The following XKR9 variants were observed in gnomAD, a reference collection of about 807,000 sequenced individuals.
XKR9 encodes XK-related protein 9.
XKR9 carries 32 observed loss-of-function variants against 32.0 expected under a neutral mutation model. That is an observed-to-expected ratio of 1.00 (90% CI 0.76 to 1.34). The LOEUF (loss-of-function observed/expected upper bound fraction) is 1.34. Among genes scored for constraint, XKR9 ranks in the 40% most tolerant of loss-of-function variants. The pLI is 0.00. For missense variants in XKR9, 546 were observed against 429.7 expected, an observed-to-expected ratio of 1.27 and a Z score of -2.39; for synonymous variants, 168 against 143.4, an observed-to-expected ratio of 1.17 and a Z score of -1.22.
chr8:70,993,617 C>A, the XKR9 span, among the ~76,000 whole-genome samples: 1 of 83,422 alleles, frequency 1.2e-5, no homozygotes, highest in Admixed American at 1.9e-4. Flanking sequence ...TTCCTTCCTT[C>A]CTTCCTTCCT....
chr8:70,943,490 T>A, the XKR9 span, among the ~76,000 whole-genome samples: 2 of 152,240 alleles, frequency 1.3e-5, no homozygotes, highest in East Asian at 1.9e-4. Flanking sequence ...AGGTTTTTTT[T>A]AAAAAAGGTA....
chr8:70,956,801 C>T, the XKR9 span, among the ~76,000 whole-genome samples: 31 of 152,112 alleles, frequency 2.0e-4, no homozygotes, highest in Non-Finnish European at 2.6e-4. Context: ...GAGTGGGTGT[C>T]GGGAGTGGGG....
chr8:70,830,200 T>A, the XKR9 span, among the ~76,000 whole-genome samples: 1 of 152,326 alleles, frequency 6.6e-6, no homozygotes, highest in East Asian at 1.9e-4. Flanking sequence ...TAAAACTAAC[T>A]GCTGGTTCTA....
the XKR9 span, among the ~76,000 whole-genome samples, chr8:70,960,328 C>G: frequency 1.1e-4 from 17 of 152,166 alleles, 1 homozygote; most frequent in African/African-American, 3.9e-4. Context: ...ATTTTCCCTT[C>G]TACAAATAGC....
chr8:70,973,227 T>G, the XKR9 span, among the ~76,000 whole-genome samples: 1 of 152,194 alleles, frequency 6.6e-6, no homozygotes, highest in Non-Finnish European at 1.5e-5. Flanking sequence ...ATCTATCTTC[T>G]CTAGGTTTTC....
chr8:70,711,080 T>C (rs1043249160), intron 4 of XKR9, among the ~76,000 whole-genome samples: 3 of 152,126 alleles, frequency 2.0e-5, no homozygotes, highest in Non-Finnish European at 4.4e-5. Flanking sequence ...GAGATACCCT[T>C]GCACATCAAT....
At chr8:70,971,868 T>C in the XKR9 span, among the ~76,000 whole-genome samples, 1 of 152,192 alleles carries the variant, frequency 6.6e-6, no homozygotes, top group Admixed American at 6.5e-5. Flanking sequence ...TATGGCCTTA[T>C]AGTATAGTTT....
the XKR9 span, among the ~76,000 whole-genome samples, chr8:70,986,568 C>A: frequency 2.0e-5 from 3 of 152,234 alleles, no homozygotes; most frequent in African/African-American, 7.2e-5. Context: ...ACATAGTAGG[C>A]TTTTTAGACA....
the XKR9 span, among the ~76,000 whole-genome samples, chr8:70,941,595 A>T: frequency 6.6e-6 from 1 of 152,102 alleles, no homozygotes; most frequent in African/African-American, 2.4e-5. Flanking sequence ...CAATTTTATA[A>T]TGGTGATATA....
At chr8:71,050,280 G>GATATAT in the XKR9 span, among the ~76,000 whole-genome samples, 1 of 130,342 alleles carries the variant, frequency 7.7e-6, no homozygotes, top group African/African-American at 3.1e-5. Context: ...GATAGATATA[G>GATATAT]ATATAGATAT....
the XKR9 span, among the ~76,000 whole-genome samples, chr8:70,928,407 C>T: frequency 6.6e-6 from 1 of 152,180 alleles, no homozygotes; most frequent in African/African-American, 2.4e-5. Flanking sequence ...GCCTTGTGGA[C>T]ATTACTAAGC....
the XKR9 span, among the ~76,000 whole-genome samples, chr8:71,050,236 G>GAGAT: frequency 8.1e-6 from 1 of 123,570 alleles, no homozygotes; most frequent in Non-Finnish European, 1.7e-5. Context: ...GCCTGGCAGA[G>GAGAT]ATATATATAT....
At chr8:71,057,195 A>G in the XKR9 span, among the ~76,000 whole-genome samples, 66,227 of 152,080 alleles carry the variant, frequency 0.44, 15,407 homozygotes, top group Non-Finnish European at 0.53. Flanking sequence ...AGGCATAGCA[A>G]GACACAGTTC....
chr8:70,675,230 A>C (rs1206930618), intron 2 of XKR9, among the ~76,000 whole-genome samples: 1 of 152,282 alleles, frequency 6.6e-6, no homozygotes, highest in Admixed American at 6.5e-5. Context: ...ATTCGAAATC[A>C]GCCTGCCCAA....
rs116281472 is a variant in XKR9, at chr8:70,728,260, C to T, written c.494-5536C>T. On this transcript the variant is annotated intron_variant, in intron 4 of 4. Transcript: ENST00000408926. ...CAATCCCTCTCTTTAGGTTTTATAA[C>T]TCTTAATCTTAAGGTGTTGGCTAAT... Among the ~76,000 whole-genome samples the T allele has an allele frequency of 9.9e-3, 1,503 of 152,192 alleles. 23 individuals carry two copies. Among genetic ancestry groups the T allele is most frequent in the African/African-American group, 0.034 (1,421 of 41,516 alleles).
At chr8:70,868,275 G>A in the XKR9 span, among the ~76,000 whole-genome samples, 1 of 152,056 alleles carries the variant, frequency 6.6e-6, no homozygotes, top group Admixed American at 6.6e-5. Flanking sequence ...TCTGTGTGGG[G>A]GCTCTGACCC....
intron 3 of XKR9, chr8:70,683,660 G>T: frequency 2.6e-6 from 1 of 380,296 alleles, no homozygotes; most frequent in Non-Finnish European, 5.3e-6. Flanking sequence ...GTTAATTTTT[G>T]TATTTTTAGT....
At chr8:70,848,181 G>C in the XKR9 span, among the ~76,000 whole-genome samples, 1 of 152,208 alleles carries the variant, frequency 6.6e-6, no homozygotes, top group East Asian at 1.9e-4. Context: ...ATCAATAGAT[G>C]TGATACATCA....
At chr8:70,788,887 G>C (rs1807726517) in intron 2 of XKR9, among the ~76,000 whole-genome samples, 1 of 151,998 alleles carries the variant, frequency 6.6e-6, no homozygotes, top group Non-Finnish European at 1.5e-5. Flanking sequence ...TATAAATGTG[G>C]GTCATATGTG....
Sources: allele counts gnomAD v4.1 joint callset (sites outside exome capture counted in the v4.1 genomes callset), GRCh38; gene constraint gnomAD v4.1.1; transcripts MANE v1.5; gene names NCBI Gene and HGNC (gene_info 2026-07-23, HGNC 2026-07-21).